The following SLC25A13 variants were observed in gnomAD, a reference collection of about 807,000 sequenced individuals.
SLC25A13 encodes electrogenic aspartate/glutamate antiporter SLC25A13, mitochondrial.
In SLC25A13, 70 loss-of-function variants were observed where a neutral mutation model predicts 85.5. The ratio of observed to expected loss-of-function variants is 0.82; its 90% CI spans 0.68 to 1.00. The LOEUF (loss-of-function observed/expected upper bound fraction) is 1.00, where lower values mean the gene tolerates loss of function less well. SLC25A13 is among the 50% of genes least tolerant of loss of function. SLC25A13 has a pLI of 0.00. For missense variants in SLC25A13, 765 were observed against 819.8 expected, an observed-to-expected ratio of 0.93 and a Z score of 0.82; for synonymous variants, 259 against 288.7, an observed-to-expected ratio of 0.90 and a Z score of 1.04.
chr7:96,183,686 G>C (rs926613500), intron 11 of SLC25A13, among the ~76,000 whole-genome samples: 2 of 152,106 alleles, frequency 1.3e-5, no homozygotes, highest in Non-Finnish European at 2.9e-5. Flanking sequence ...TACTTCCATT[G>C]CTTAATGAAC....
At chr7:96,236,457 G>T (rs1193969753) in intron 3 of SLC25A13, among the ~76,000 whole-genome samples, 1 of 152,168 alleles carries the variant, frequency 6.6e-6, no homozygotes, top group Non-Finnish European at 1.5e-5. Flanking sequence ...AACTGTAAAA[G>T]AAAAAGTAAA....
chr7:96,157,893 C>T (rs1165913842), intron 13 of SLC25A13, among the ~76,000 whole-genome samples: 1 of 152,076 alleles, frequency 6.6e-6, no homozygotes, highest in African/African-American at 2.4e-5. Context: ...AACGTACAGC[C>T]CCATTTTCTC....
chr7:96,168,098 G>GGAAAAAAAAAAAAAAAAAAAAAAAAAAA (rs1793836839), intron 13 of SLC25A13, among the ~76,000 whole-genome samples: 1 of 19,694 alleles, frequency 5.1e-5, no homozygotes, highest in Non-Finnish European at 1.3e-4. Context: ...AACTCTGTCT[G>GGAAAAAAAAAAAAAAAAAAAAAAAAAAA]AAAAAAAAAA....
In SLC25A13 at chr7:96,235,724, A is replaced by T. The variant is rs111455479; in HGVS notation, c.213-807T>A. 5.8e-3 allele frequency among the ~76,000 whole-genome samples: 880 copies of T among 152,326 alleles called. 3 individuals carry two copies. The highest frequency in any genetic ancestry group is 0.02 in the African/African-American group (824 of 41,566). On this transcript the variant is annotated intron_variant, in intron 3 of 17. Transcript: ENST00000265631. ...AGTGCATAAAAGAACAATGTAAAAT[A>T]AGATTAGAAATATAGGACCAGAGGT... is the stretch of plus-strand genomic sequence containing the variant.
chr7:96,284,676 G>C (rs1798817858), intron 2 of SLC25A13, among the ~76,000 whole-genome samples: 1 of 152,148 alleles, frequency 6.6e-6, no homozygotes, highest in African/African-American at 2.4e-5. Flanking sequence ...ACTGAATCAT[G>C]GGTGCGGTCT....
At chr7:96,178,658 C>T (rs1562818983) in intron 11 of SLC25A13, among the ~76,000 whole-genome samples, 1 of 152,178 alleles carries the variant, frequency 6.6e-6, no homozygotes, top group Non-Finnish European at 1.5e-5. Context: ...TTGCTTTCAA[C>T]ATCAGATTAA....
At chr7:96,222,438 T>G (rs1240041878) in intron 4 of SLC25A13, among the ~76,000 whole-genome samples, 2 of 152,162 alleles carry the variant, frequency 1.3e-5, no homozygotes, top group African/African-American at 4.8e-5. Flanking sequence ...CAGTTCTTTC[T>G]GTATTTTATT....
intron 3 of SLC25A13, among the ~76,000 whole-genome samples, chr7:96,254,412 G>A (rs963832746): frequency 6.6e-6 from 1 of 152,154 alleles, no homozygotes; most frequent in Non-Finnish European, 1.5e-5. Context: ...TTACACCATT[G>A]GCTTTCCCAG....
At chr7:96,256,101 G>C (rs886095316) in intron 3 of SLC25A13, among the ~76,000 whole-genome samples, 7 of 151,754 alleles carry the variant, frequency 4.6e-5, no homozygotes, top group African/African-American at 1.7e-4. Context: ...GGAAAAACTG[G>C]TACTAGCCAC....
intron 14 of SLC25A13, among the ~76,000 whole-genome samples, chr7:96,140,685 C>T (rs1792510710): frequency 6.6e-6 from 1 of 151,718 alleles, no homozygotes; most frequent in African/African-American, 2.4e-5. Context: ...TTACAGGCGT[C>T]AGGCACCGCG....
At chr7:96,225,597 GAT>G (rs1796302953) in intron 4 of SLC25A13, among the ~76,000 whole-genome samples, 2 of 151,508 alleles carry the variant, frequency 1.3e-5, no homozygotes, top group African/African-American at 4.8e-5. Flanking sequence ...GGGGTCCCGA[GAT>G]ATGACTCCAG....
intron 1 of SLC25A13, among the ~76,000 whole-genome samples, chr7:96,297,964 T>C (rs1479249756): frequency 1.3e-5 from 2 of 152,164 alleles, no homozygotes; most frequent in Non-Finnish European, 1.5e-5. Context: ...AACTTCAACA[T>C]GGCTTCCTCA....
In SLC25A13 at chr7:96,189,581, C is replaced by G; in HGVS notation, c.848G>C (p.Gly283Ala). Reference protein sequence around the residue: ...FQLADLYEPRGRMTLADIERI... With the variant: ...FQLADLYEPRARMTLADIERI... Reference sequence around the variant, plus strand: ...AAAAAAAAAAAAAAAGCCAACTTACCCCCTTGGCTCATATAAATCTGCTAA... The same window carrying G: ...AAAAAAAAAAAAAAAGCCAACTTACGCCCTTGGCTCATATAAATCTGCTAA... Residue 283 changes from glycine (G) to alanine (A), a missense_variant and splice_region_variant, in exon 8 of 18, where the codon GGA becomes GCA. Physicochemically the swap from Gly to Ala is moderately conservative, Grantham distance 60. Coordinates refer to ENST00000265631, the MANE Select transcript of SLC25A13 (RefSeq NM_014251.3). 2 of 1,607,538 alleles carry G rather than the reference C, an allele frequency of 1.2e-6. No individual in the cohort carries two copies. Among genetic ancestry groups the G allele is most frequent in the Middle Eastern group, 1.7e-4 (1 of 6,044 alleles).
chr7:96,308,650 A>C (rs559910265), intron 1 of SLC25A13, among the ~76,000 whole-genome samples: 4 of 152,350 alleles, frequency 2.6e-5, no homozygotes, highest in African/African-American at 7.2e-5. Context: ...TAAGTAGGGA[A>C]GCTGATTTCA....
chr7:96,147,080 CGT>C (rs1792835535), intron 13 of SLC25A13, among the ~76,000 whole-genome samples: 1 of 53,488 alleles, frequency 1.9e-5, no homozygotes, highest in African/African-American at 1.3e-4. Context: ...AGACACAGAA[CGT>C]ATCCAAATGA....
intron 13 of SLC25A13, 82 bp from the exon 14 acceptor site, chr7:96,146,778 G>A: frequency 1.4e-6 from 2 of 1,474,536 alleles, no homozygotes; most frequent in Non-Finnish European, 1.9e-6. Flanking sequence ...TATTCTCAAG[G>A]ATAAAAATAT....
intron 13 of SLC25A13, among the ~76,000 whole-genome samples, chr7:96,156,364 T>C (rs1043561280): frequency 3.9e-5 from 6 of 152,300 alleles, no homozygotes; most frequent in African/African-American, 1.4e-4. Flanking sequence ...TAGTGCAAAC[T>C]CAGCTCACTG....
chr7:96,260,928 A>G (rs1056260546), intron 3 of SLC25A13, among the ~76,000 whole-genome samples: 1 of 152,096 alleles, frequency 6.6e-6, no homozygotes, highest in African/African-American at 2.4e-5. Context: ...AATGACTTCT[A>G]CTACTCTCAA....
In SLC25A13 at chr7:96,209,975, AAAG is replaced by A. The variant is rs546068639; in HGVS notation, c.329-1001_329-999del. Among the ~76,000 whole-genome samples the A allele has an allele frequency of 6.6e-5, 10 of 152,334 alleles. No homozygotes were observed. The East Asian group carries it at 9.6e-4, about 15-fold the overall frequency. Reference sequence around the variant, plus strand: ...TCTTTTGCTTCTATTTAAAACAAAAAAAGAAGAAGAAAGTTATTTAGTCCTCTG... The same window carrying A: ...TCTTTTGCTTCTATTTAAAACAAAAAAAGAAGAAAGTTATTTAGTCCTCTG... On this transcript the variant is annotated intron_variant, in intron 4 of 17. Coordinates refer to ENST00000265631, the MANE Select transcript of SLC25A13 (RefSeq NM_014251.3).
Sources: allele counts gnomAD v4.1 joint callset (sites outside exome capture counted in the v4.1 genomes callset), GRCh38; gene constraint gnomAD v4.1.1; transcripts MANE v1.5; gene names NCBI Gene and HGNC (gene_info 2026-07-23, HGNC 2026-07-21).